The following USH2A variants were observed in gnomAD, a reference collection of about 807,000 sequenced individuals.
USH2A encodes the protein usherin.
A neutral mutation model predicts 538.9 loss-of-function variants in USH2A; 443 were observed. That is an observed-to-expected ratio of 0.82 (90% CI 0.76 to 0.89). USH2A has a LOEUF of 0.89. USH2A is among the 40% of genes least tolerant of loss of function. The pLI is 0.00. For synonymous variants in USH2A, 2,413 were observed against 2,273.5 expected (o/e 1.06, Z -1.75); for missense variants, 6,633 against 6,324.8 (o/e 1.05, Z -1.65).
intron 32 of USH2A, among the ~76,000 whole-genome samples, chr1:216,005,852 A>G (rs1668378404): frequency 1.3e-5 from 2 of 152,188 alleles, no homozygotes; most frequent in East Asian, 3.8e-4. Flanking sequence ...GAGTGAGTGC[A>G]TATAGAGGAT....
intron 3 of USH2A, among the ~76,000 whole-genome samples, chr1:216,407,835 A>G (rs1424360049): frequency 2.0e-5 from 3 of 152,152 alleles, no homozygotes. Flanking sequence ...TCCATTAGAT[A>G]ATACAGGTTT....
Position 215,675,332 on chromosome 1 carries a change from T to A in USH2A, c.12579A>T (p.Arg4193Ser). The change falls in exon 63 of 72, where the codon AGA becomes AGT. Residue 4193 changes from arginine (R) to serine (S), a missense_variant. Coordinates refer to ENST00000307340, the MANE Select transcript of USH2A (RefSeq NM_206933.4). ...TTCCCCAAGCTTTTCCCTCGAAGCA[T>A]CTGCGAATCACTTCATAGCGAATTA... ...GKIIRYEVIR[R>S]CFEGKAWGNQ... 1.2e-6 allele frequency: 2 copies of A among 1,614,162 alleles called. No homozygotes were observed. The highest frequency in any genetic ancestry group is 1.7e-6 in the Non-Finnish European group (2 of 1,180,042).
intron 3 of USH2A, among the ~76,000 whole-genome samples, chr1:216,367,391 C>T (rs1289294700): frequency 3.3e-5 from 5 of 152,116 alleles, no homozygotes; most frequent in Non-Finnish European, 5.9e-5. Context: ...GTAACACTCC[C>T]GTGACACTTC....
At chr1:215,690,656 A>T (rs1473796764) in intron 61 of USH2A, among the ~76,000 whole-genome samples, 1 of 152,080 alleles carries the variant, frequency 6.6e-6, no homozygotes. Context: ...CTTCACCTGC[A>T]GTCTTCCCTT....
intron 48 of USH2A, among the ~76,000 whole-genome samples, chr1:215,816,287 G>A (rs1206680257): frequency 6.6e-6 from 1 of 151,928 alleles, no homozygotes. Flanking sequence ...GTAACTGCTG[G>A]CTTTATGCAT....
intron 40 of USH2A, 87 bp from the exon 41 acceptor site, chr1:215,889,141 C>T: frequency 6.7e-7 from 1 of 1,497,610 alleles, no homozygotes; most frequent in Non-Finnish European, 9.1e-7. Context: ...AGCTCTGCTA[C>T]AAGGATATGA....
chr1:215,965,469 C>A lies in USH2A; in HGVS notation c.6968G>T (p.Arg2323Leu), dbSNP rs772014718. Reference sequence around the variant, plus strand: ...TCCTTCAGGAGGAGCTTCTAGAGTTCGATTTTCCACCTGTGAGTATAAAAA... The same window carrying A: ...TCCTTCAGGAGGAGCTTCTAGAGTTAGATTTTCCACCTGTGAGTATAAAAA... ...GCALGPLVEN[R>L]TLEAPPEGTV... The change falls in exon 37 of 72, where the codon CGA becomes CTA. Residue 2323 changes from arginine to leucine, a missense_variant. Coordinates refer to ENST00000307340, the MANE Select transcript of USH2A (RefSeq NM_206933.4). 3.7e-6 allele frequency: 6 copies of A among 1,613,480 alleles called. 1 individual carries two copies. In the South Asian group the frequency reaches 4.4e-5, roughly 12 times the overall value.
intron 15 of USH2A, among the ~76,000 whole-genome samples, chr1:216,210,683 A>G (rs899273754): frequency 6.6e-6 from 1 of 152,152 alleles, no homozygotes; most frequent in Non-Finnish European, 1.5e-5. Flanking sequence ...CTCAAGTAGT[A>G]ATTGTGGTAG....
At chr1:216,362,370 G>T (rs2137402) in intron 4 of USH2A, among the ~76,000 whole-genome samples, 8 of 151,842 alleles carry the variant, frequency 5.3e-5, no homozygotes, top group Admixed American at 3.9e-4. Context: ...AAATAATTCT[G>T]AGTCAGCATT....
At chr1:215,791,027 G>GAC (rs1661967658) in intron 50 of USH2A, among the ~76,000 whole-genome samples, 1 of 152,094 alleles carries the variant, frequency 6.6e-6, no homozygotes, top group Non-Finnish European at 1.5e-5. Context: ...CTAAACGAAA[G>GAC]ACACACGTAC....
chr1:216,260,149 C>G (rs1207885618), intron 11 of USH2A, among the ~76,000 whole-genome samples: 1 of 151,818 alleles, frequency 6.6e-6, no homozygotes, highest in African/African-American at 2.4e-5. Flanking sequence ...AAAAATATAA[C>G]CCATAATTTT....
chr1:215,804,322 A>G (rs75246384), intron 49 of USH2A, among the ~76,000 whole-genome samples: 89,969 of 151,498 alleles, frequency 0.59, 26,891 homozygotes, highest in Admixed American at 0.69. Flanking sequence ...CACAGCAAAA[A>G]AAACTACCAT....
intron 19 of USH2A, among the ~76,000 whole-genome samples, chr1:216,194,696 T>C (rs1025375314): frequency 2.0e-5 from 3 of 152,082 alleles, no homozygotes; most frequent in African/African-American, 4.8e-5. Flanking sequence ...GGACAAATTA[T>C]TGCACCTTGC....
rs1013791595 is a variant in USH2A, at chr1:215,674,675, C to T, written c.13236G>A (p.Gln4412=). 5 of 1,613,952 alleles carry T rather than the reference C, an allele frequency of 3.1e-6. No homozygotes were observed. Among genetic ancestry groups the T allele is most frequent in the African/African-American group, 1.3e-5 (1 of 74,892 alleles). ...GGGAGAAGTTATACTGAGAGTAAGG[C>T]TGCAGGTGGGAAACCAGCAGGCACA... ...QGLCLLVSHL[Q]PYSQYNFSLV... is the part of the protein sequence containing the mutation. Residue 4412 remains glutamine (Q), a synonymous_variant, in exon 63 of 72, where the codon CAG becomes CAA. Transcript: ENST00000307340.
At chr1:216,026,348 A>G (rs1462726557) in intron 32 of USH2A, among the ~76,000 whole-genome samples, 4 of 152,172 alleles carry the variant, frequency 2.6e-5, no homozygotes, top group African/African-American at 7.2e-5. Flanking sequence ...CAAAACATGT[A>G]TTTGTAGCCA....
chr1:216,392,212 A>G (rs770155725), intron 3 of USH2A, among the ~76,000 whole-genome samples: 1 of 152,086 alleles, frequency 6.6e-6, no homozygotes, highest in Non-Finnish European at 1.5e-5. Flanking sequence ...TAAAAAACCA[A>G]TCCTGGCCAG....
chr1:216,157,281 C>T (rs1298217793), intron 21 of USH2A, among the ~76,000 whole-genome samples: 1 of 152,166 alleles, frequency 6.6e-6, no homozygotes, highest in East Asian at 1.9e-4. Context: ...GAGATACCAT[C>T]TCACACTAGT....
At chr1:216,223,783 G>A (rs1292466254) in intron 14 of USH2A, among the ~76,000 whole-genome samples, 2 of 152,276 alleles carry the variant, frequency 1.3e-5, no homozygotes, top group Non-Finnish European at 1.5e-5. Context: ...AAGGAAATCA[G>A]TTGACAAGGA....
rs1479909915 is a variant in USH2A, at chr1:215,836,554, T to A, written c.9371+1437A>T. ...TATATATATATATAATATATATATA[T>A]ATATATATATATTTTTTTTTGAGAC... is the stretch of plus-strand genomic sequence containing the variant. On this transcript the variant is annotated intron_variant, in intron 47 of 71. Transcript: ENST00000307340. Among the ~76,000 whole-genome samples the A allele has an allele frequency of 1.6e-4, 3 of 18,280 alleles. 1 individual carries two copies. The highest frequency in any genetic ancestry group is 2.7e-4 in the Non-Finnish European group (3 of 11,192). The allele number at this position is 18,280 out of a possible 152,430, so 12.0% of individuals were successfully genotyped here. A position where few individuals can be genotyped will look rare whatever the true frequency, so the allele number is the denominator to read the frequency against.
Sources: allele counts gnomAD v4.1 joint callset (sites outside exome capture counted in the v4.1 genomes callset), GRCh38; gene constraint gnomAD v4.1.1; transcripts MANE v1.5; gene names NCBI Gene and HGNC (gene_info 2026-07-23, HGNC 2026-07-21).